The following PDE10A variants were observed in gnomAD, a reference collection of about 807,000 sequenced individuals.
PDE10A encodes the protein cAMP and cAMP-inhibited cGMP 3',5'-cyclic phosphodiesterase 10A.
Under a neutral mutation model 97.7 loss-of-function variants are expected in PDE10A, and 39 were observed. The observed-to-expected ratio is 0.40, with a 90% confidence interval of 0.31 to 0.52. PDE10A has a LOEUF of 0.52. Among genes scored for constraint, PDE10A ranks in the 20% least tolerant of loss-of-function variants. The pLI, the probability that PDE10A is intolerant of heterozygous loss-of-function variation, is 0.56. For synonymous variants in PDE10A, 371 were observed against 376.8 expected (o/e 0.98, Z 0.18); for missense variants, 731 against 1,047.8 (o/e 0.70, Z 4.17).
intron 13 of PDE10A, among the ~76,000 whole-genome samples, chr6:165,407,674 C>A (rs1787316067): frequency 6.6e-6 from 1 of 152,152 alleles, no homozygotes; most frequent in Admixed American, 6.5e-5. Flanking sequence ...TTGTTCATGC[C>A]CCTTTCATGT....
chr6:165,931,271 C>T (rs183882339), intron 1 of PDE10A, among the ~76,000 whole-genome samples: 9 of 152,342 alleles, frequency 5.9e-5, no homozygotes, highest in African/African-American at 1.9e-4. Flanking sequence ...TATTATTTGA[C>T]ATCCTATTTA....
Position 165,431,492 on chromosome 6 carries a change from C to A in PDE10A, c.1492-20G>T. 6.8e-7 allele frequency: 1 copy of A among 1,479,312 alleles called. No homozygotes were observed. Among genetic ancestry groups the A allele is most frequent in the Non-Finnish European group, 9.4e-7 (1 of 1,067,790 alleles). The allele number at this position is 1,479,312 out of a possible 1,614,324, so 91.6% of individuals were successfully genotyped here. A position where few individuals can be genotyped will look rare whatever the true frequency, so the allele number is the denominator to read the frequency against. ...TGCAACCTAAAAAAAACAAGAAATA[C>A]ATACCTATAAGTAATAATACATAAC... On this transcript the variant is annotated intron_variant, in intron 7 of 21. Coordinates refer to ENST00000539869, the MANE Select transcript of PDE10A (RefSeq NM_001385079.1).
chr6:165,688,449 G>A (rs1015416833), intron 1 of PDE10A, among the ~76,000 whole-genome samples: 11 of 152,228 alleles, frequency 7.2e-5, no homozygotes, highest in Non-Finnish European at 4.4e-5. Context: ...CTCAGGGTAT[G>A]TAGTGGGCAA....
intron 1 of PDE10A, among the ~76,000 whole-genome samples, chr6:165,983,091 G>A (rs987538579): frequency 2.2e-4 from 24 of 107,654 alleles, no homozygotes; most frequent in African/African-American, 7.0e-4. Context: ...ACACACACAC[G>A]AGTACATGTG....
rs534324845 is a variant in PDE10A at position 165,416,131 on chromosome 6, A to T, written c.1889+58T>A. The T allele has an allele frequency of 4.5e-6, 5 of 1,114,000 alleles. No homozygotes were observed. The African/African-American group carries it at 6.1e-5, about 14-fold the overall frequency. 69.0% of individuals were successfully genotyped at this position (1,114,000 alleles called of 1,614,324 possible). On this transcript the variant is annotated intron_variant, in intron 12 of 21. Coordinates refer to ENST00000539869, the MANE Select transcript of PDE10A (RefSeq NM_001385079.1). ...ACTCAGGCTCCACGGAAGAGGTTTC[A>T]GCTGAGTGGGACATCACAGAAGAAA...
At chr6:165,784,222 C>CAAAAAAAAAAAAAAAAAAAAAAAAAAAA (rs796915265) in intron 1 of PDE10A, among the ~76,000 whole-genome samples, 1 of 116,660 alleles carries the variant, frequency 8.6e-6, no homozygotes, top group African/African-American at 3.3e-5. Context: ...GACTCCATCT[C>CAAAAAAAAAAAAAAAAAAAAAAAAAAAA]AAAAAAAAAA....
At chr6:165,976,615 A>T (rs1370421776) in intron 1 of PDE10A, among the ~76,000 whole-genome samples, 1 of 152,016 alleles carries the variant, frequency 6.6e-6, no homozygotes, top group Non-Finnish European at 1.5e-5. Flanking sequence ...CTTCACACGC[A>T]CTCACTCTGG....
intron 1 of PDE10A, among the ~76,000 whole-genome samples, chr6:165,716,922 C>A (rs1792039279): frequency 6.6e-6 from 1 of 152,204 alleles, no homozygotes; most frequent in Admixed American, 6.5e-5. Flanking sequence ...GATCAGCCGT[C>A]ACCACCGTCC....
intron 3 of PDE10A, among the ~76,000 whole-genome samples, chr6:165,455,464 G>A (rs1169339761): frequency 4.6e-5 from 7 of 152,190 alleles, no homozygotes; most frequent in Non-Finnish European, 1.5e-5. Context: ...TGAGGGAAGA[G>A]CTTCCCAAGT....
chr6:165,349,374 G>A (rs995475157), intron 18 of PDE10A, among the ~76,000 whole-genome samples: 1 of 148,488 alleles, frequency 6.7e-6, no homozygotes, highest in Non-Finnish European at 1.5e-5. Flanking sequence ...CTCTTGCTAT[G>A]CAAAGAGACT....
intron 1 of PDE10A, among the ~76,000 whole-genome samples, chr6:165,765,264 C>T (rs1777801796): frequency 6.6e-6 from 1 of 152,286 alleles, no homozygotes; most frequent in Admixed American, 6.5e-5. Flanking sequence ...GAGCTGCCCG[C>T]CAGTCCCACG....
chr6:165,631,213 G>A (rs546918687), intron 1 of PDE10A, among the ~76,000 whole-genome samples: 2 of 152,220 alleles, frequency 1.3e-5, no homozygotes, highest in African/African-American at 4.8e-5. Flanking sequence ...TTTGGTCTAG[G>A]ATTCAATCCA....
rs537639619 is a variant in PDE10A, at chr6:165,711,166, A to G, written c.-614-167598T>C. 9.8e-5 allele frequency among the ~76,000 whole-genome samples: 15 copies of G among 152,338 alleles called. No homozygotes were observed. Among genetic ancestry groups the G allele is most frequent in the Admixed American group, 2.0e-4 (3 of 15,306 alleles). ...GGGAGGCGGCTGGCTGGAGAGAACA[A>G]CAGGGATATGACGTTAGCAGTAAGT... On this transcript the variant is annotated intron_variant, in intron 1 of 19. Coordinates refer to the PDE10A transcript ENST00000366882. This position sits in a 1 kb window ranked among gnomAD's most constrained non-coding sequence, Gnocchi z 4.5.
chr6:165,800,544 C>A (rs57690076), intron 1 of PDE10A, among the ~76,000 whole-genome samples: 1 of 152,010 alleles, frequency 6.6e-6, no homozygotes, highest in African/African-American at 2.4e-5. Context: ...GAGGCTGAGC[C>A]TTTCCAGAAT....
At chr6:165,971,335 A>G (rs1207089557) in intron 1 of PDE10A, among the ~76,000 whole-genome samples, 4 of 152,200 alleles carry the variant, frequency 2.6e-5, no homozygotes, top group Admixed American at 1.3e-4. Flanking sequence ...GATTCAATTC[A>G]GTCAAGCTTA....
chr6:165,857,406 C>G (rs545453515), intron 1 of PDE10A, among the ~76,000 whole-genome samples: 1 of 152,208 alleles, frequency 6.6e-6, no homozygotes, highest in East Asian at 1.9e-4. Flanking sequence ...TCTGTGGGGT[C>G]AGAGAGAGGA....
At chr6:165,737,029 A>G (rs537030839) in intron 1 of PDE10A, among the ~76,000 whole-genome samples, 1 of 152,246 alleles carries the variant, frequency 6.6e-6, no homozygotes, top group South Asian at 2.1e-4. Flanking sequence ...TTATATGTCA[A>G]TAAATGGCAT....
intron 5 of PDE10A, among the ~76,000 whole-genome samples, chr6:165,440,291 T>C (rs548063797): frequency 6.6e-6 from 1 of 151,654 alleles, no homozygotes; most frequent in Admixed American, 6.7e-5. Context: ...CTACCAGCTC[T>C]GGATATGAAG....
At position 165,354,228 on chromosome 6, in the gene PDE10A, A is replaced by G. The variant is rs539964200; in HGVS notation, c.2784-10726T>C. 1.8e-4 allele frequency among the ~76,000 whole-genome samples: 27 copies of G among 152,300 alleles called. No homozygotes were observed. In the South Asian group the frequency reaches 4.8e-3, roughly 27 times the overall value. On this transcript the variant is annotated intron_variant, in intron 18 of 21. Transcript: ENST00000539869. ...GTGAAGAAAAGCAGTCTGGAAGTGT[A>G]TTTCTGACTTAAGACCGTAACTTAA...
Sources: allele counts gnomAD v4.1 joint callset (sites outside exome capture counted in the v4.1 genomes callset), GRCh38; gene constraint gnomAD v4.1.1; non-coding constraint Gnocchi (gnomAD v3.1); transcripts MANE v1.5; gene names NCBI Gene and HGNC (gene_info 2026-07-23, HGNC 2026-07-21).